Variants in CNTNAP2 observed in about 807,000 individuals in gnomAD.
CNTNAP2 encodes contactin associated protein 2.
CNTNAP2 carries 98 observed loss-of-function variants against 155.2 expected under a neutral mutation model. That is an observed-to-expected ratio of 0.63 (90% CI 0.54 to 0.75). The LOEUF (loss-of-function observed/expected upper bound fraction) is 0.75, where lower values mean the gene tolerates loss of function less well. Among genes scored for constraint, CNTNAP2 ranks in the 30% least tolerant of loss-of-function variants. The pLI is 0.00. For synonymous variants in CNTNAP2, 651 were observed against 631.2 expected, an observed-to-expected ratio of 1.03 and a Z score of -0.47; for missense variants, 1,727 against 1,688.1, an observed-to-expected ratio of 1.02 and a Z score of -0.40.
At chr7:147,191,318 T>C (rs577942050) in intron 8 of CNTNAP2, among the ~76,000 whole-genome samples, 1 of 152,276 alleles carries the variant, frequency 6.6e-6, no homozygotes, top group African/African-American at 2.4e-5. Context: ...AAAGACCAGT[T>C]TTCATTAACA....
chr7:148,136,570 G>A (rs1291296153), intron 16 of CNTNAP2, among the ~76,000 whole-genome samples: 3 of 152,102 alleles, frequency 2.0e-5, no homozygotes, highest in African/African-American at 7.2e-5. Context: ...AAATTACCCA[G>A]CCCTAAGTAT....
At position 146,923,826 on chromosome 7, in the gene CNTNAP2, G is replaced by C. The variant is rs116303652; in HGVS notation, c.402+83922G>C. Reference sequence around the variant, plus strand: ...TTAGTATATTGGCTTTCAAAGTGTAGTGCCTGGATAAACAGCATCAGTATC... The same window carrying C: ...TTAGTATATTGGCTTTCAAAGTGTACTGCCTGGATAAACAGCATCAGTATC... On this transcript the variant is annotated intron_variant, in intron 3 of 23. Transcript: ENST00000361727. 4.7e-3 allele frequency among the ~76,000 whole-genome samples: 718 copies of C among 152,182 alleles called. 2 individuals carry two copies. The highest frequency in any genetic ancestry group is 0.017 in the African/African-American group (695 of 41,538).
intron 1 of CNTNAP2, among the ~76,000 whole-genome samples, chr7:146,556,456 C>T (rs2693387): frequency 0.81 from 122,481 of 151,714 alleles, 49,954 homozygotes; most frequent in South Asian, 0.89. Flanking sequence ...GCATGTAAAT[C>T]ATGCAGAACA....
In CNTNAP2 at chr7:148,118,194, C is replaced by T. The variant is rs144496909; in HGVS notation, c.2460C>T (p.Ser820=). The change falls in exon 16 of 24, where the codon AGC becomes AGT. Residue 820 remains serine, a synonymous_variant. Transcript: ENST00000361727. Reference sequence around the variant, plus strand: ...TCTCTACTTTCCAAGGGGAAACTAGCGCTGACATTTCTTTCTACTTCAAAA... The same window carrying T: ...TCTCTACTTTCCAAGGGGAAACTAGTGCTGACATTTCTTTCTACTTCAAAA... ...LHFSTFQGET[S]ADISFYFKTL... is the part of the protein sequence containing the mutation. 72 of 1,614,038 alleles carry T rather than the reference C, an allele frequency of 4.5e-5. No homozygotes were observed. The highest frequency in any genetic ancestry group is 1.6e-4 in the Middle Eastern group (1 of 6,084).
intron 17 of CNTNAP2, among the ~76,000 whole-genome samples, chr7:148,167,879 C>A (rs1805700239): frequency 6.6e-6 from 1 of 152,154 alleles, no homozygotes; most frequent in Admixed American, 6.5e-5. Context: ...GGAGAAAACT[C>A]CGCCCCACTA....
At chr7:146,642,746 A>G (rs1428890637) in intron 1 of CNTNAP2, among the ~76,000 whole-genome samples, 4 of 152,094 alleles carry the variant, frequency 2.6e-5, no homozygotes, top group Non-Finnish European at 5.9e-5. Context: ...TGACTTCCAC[A>G]ATGGTTGAAC....
intron 1 of CNTNAP2, among the ~76,000 whole-genome samples, chr7:146,176,500 A>G (rs776601818): frequency 2.0e-5 from 3 of 152,222 alleles, no homozygotes; most frequent in Non-Finnish European, 4.4e-5. Flanking sequence ...TCCTTTGGAA[A>G]GCCAGGCAAA....
At chr7:148,326,790 G>A (rs1241308036) in intron 21 of CNTNAP2, among the ~76,000 whole-genome samples, 4 of 151,872 alleles carry the variant, frequency 2.6e-5, no homozygotes, top group Non-Finnish European at 5.9e-5. Context: ...GCGTGAATCA[G>A]GGAGATGGAG....
chr7:146,477,624 AACACAC>A (rs1162610079), intron 1 of CNTNAP2, among the ~76,000 whole-genome samples: 10,455 of 131,592 alleles, frequency 0.079, 669 homozygotes, highest in African/African-American at 0.19. Flanking sequence ...TTCTTCAGCA[AACACAC>A]ACACACACAC....
intron 1 of CNTNAP2, among the ~76,000 whole-genome samples, chr7:146,258,323 A>T (rs112319257): frequency 0.041 from 6,295 of 152,264 alleles, 395 homozygotes; most frequent in African/African-American, 0.14. Context: ...ATGTGCCTGG[A>T]TACTAAGCCT....
chr7:146,856,492 C>A (rs577499301), intron 3 of CNTNAP2, among the ~76,000 whole-genome samples: 4 of 152,028 alleles, frequency 2.6e-5, no homozygotes, highest in Non-Finnish European at 4.4e-5. Context: ...CTAGTTCTGG[C>A]ATAAGACATT....
chr7:146,738,636 CA>C (rs1801659621), intron 1 of CNTNAP2, among the ~76,000 whole-genome samples: 1 of 151,682 alleles, frequency 6.6e-6, no homozygotes, highest in Non-Finnish European at 1.5e-5. Context: ...CTAGTAGTCT[CA>C]AAGTTGTGGG....
At chr7:147,988,721 T>G (rs963971281) in intron 15 of CNTNAP2, among the ~76,000 whole-genome samples, 6 of 152,194 alleles carry the variant, frequency 3.9e-5, no homozygotes, top group Non-Finnish European at 7.4e-5. Context: ...CATCCCCAGA[T>G]GCAGGCGGGA....
chr7:148,161,618 G>T (rs1805543671), intron 17 of CNTNAP2, among the ~76,000 whole-genome samples: 1 of 151,844 alleles, frequency 6.6e-6, no homozygotes, highest in Non-Finnish European at 1.5e-5. Context: ...CACTGTCATT[G>T]ATTCTTAAAC....
At chr7:146,411,846 A>ATTTTTTTATTT (rs754874287) in intron 1 of CNTNAP2, among the ~76,000 whole-genome samples, 1 of 85,112 alleles carries the variant, frequency 1.2e-5, no homozygotes, top group African/African-American at 3.3e-5. Context: ...TTATTTATTT[A>ATTTTTTTATTT]TTTTATTTGA....
intron 15 of CNTNAP2, among the ~76,000 whole-genome samples, chr7:148,070,690 C>T (rs992292455): frequency 6.6e-6 from 1 of 152,134 alleles, no homozygotes; most frequent in African/African-American, 2.4e-5. Flanking sequence ...TGCACTCCAG[C>T]CTGGGTGACA....
chr7:146,314,838 C>G (rs1800882063), intron 1 of CNTNAP2, among the ~76,000 whole-genome samples: 1 of 152,122 alleles, frequency 6.6e-6, no homozygotes, highest in Non-Finnish European at 1.5e-5. Flanking sequence ...GGGGAGACTT[C>G]TGGTCTGGAG....
intron 11 of CNTNAP2, among the ~76,000 whole-genome samples, chr7:147,536,004 G>C (rs1799531262): frequency 6.6e-6 from 1 of 152,156 alleles, no homozygotes; most frequent in Non-Finnish European, 1.5e-5. Flanking sequence ...AGGAAGAGGA[G>C]AGAAATCCAC....
At chr7:147,520,657 A>G (rs1562978028) in intron 11 of CNTNAP2, among the ~76,000 whole-genome samples, 1 of 152,242 alleles carries the variant, frequency 6.6e-6, no homozygotes, top group Non-Finnish European at 1.5e-5. Context: ...AGAAGATGAC[A>G]TAGGCCTACT....
Sources: gnomAD v4.1 joint callset for allele counts (sites outside exome capture counted in the v4.1 genomes callset) on GRCh38, gnomAD v4.1.1 for gene constraint, MANE v1.5 for transcripts, NCBI Gene and HGNC (gene_info 2026-07-23, HGNC 2026-07-21) for gene names.